The following TUSC3 variants were observed in gnomAD, a reference collection of about 807,000 sequenced individuals.
TUSC3 encodes the protein tumor suppressor candidate 3, also known as dolichyl-diphosphooligosaccharide--protein glycosyltransferase subunit TUSC3.
Under a neutral mutation model 44.8 loss-of-function variants are expected in TUSC3, and 45 were observed. That is an observed-to-expected ratio of 1.00 (90% CI 0.79 to 1.29). TUSC3 has a LOEUF of 1.29. Among genes scored for constraint, TUSC3 ranks in the 50% most tolerant of loss-of-function variants. The pLI is 0.00. For synonymous variants in TUSC3, 212 were observed against 152.9 expected (o/e 1.39, Z -2.85); for missense variants, 519 against 437.9 (o/e 1.19, Z -1.65).
At chr8:15,642,864 C>T (rs994927229) in intron 2 of TUSC3, among the ~76,000 whole-genome samples, 3 of 152,138 alleles carry the variant, frequency 2.0e-5, no homozygotes, top group African/African-American at 7.2e-5. Flanking sequence ...TTACCTCTTC[C>T]AAACATTGAA....
chr8:15,553,651 A>G (rs1284154945), intron 1 of TUSC3, among the ~76,000 whole-genome samples: 3 of 151,880 alleles, frequency 2.0e-5, no homozygotes, highest in African/African-American at 7.2e-5. Context: ...GCAGTGTTAC[A>G]GTGAACACTA....
intron 2 of TUSC3, among the ~76,000 whole-genome samples, chr8:15,629,386 G>A (rs928048191): frequency 7.9e-5 from 12 of 151,950 alleles, no homozygotes; most frequent in African/African-American, 2.9e-4. Context: ...TGGGCAGAGT[G>A]GACCAAAGAG....
intron 1 of TUSC3, among the ~76,000 whole-genome samples, chr8:15,435,246 T>G (rs1323310338): frequency 3.3e-5 from 5 of 152,056 alleles, no homozygotes; most frequent in African/African-American, 1.2e-4. Context: ...TGTGAGATGG[T>G]ATCTCATTGT....
intron 2 of TUSC3, among the ~76,000 whole-genome samples, chr8:15,529,874 T>C (rs966463688): frequency 2.9e-5 from 3 of 102,392 alleles, no homozygotes; most frequent in Admixed American, 2.5e-4. Flanking sequence ...CTCGGCTCAC[T>C]GCAAGCTCCG....
rs566578965 is a variant in TUSC3, at chr8:15,646,138, A to T, written c.309-4559A>T. Among the ~76,000 whole-genome samples the T allele has an allele frequency of 2.0e-5, 3 of 152,266 alleles. No individual in the cohort carries two copies. In the East Asian group the frequency reaches 5.8e-4, roughly 29 times the overall value. ...GTTTCAGACATTTCCATCAGCAAGC[A>T]TTGTAAGTATAGTGATTTGAAGTGA... On this transcript the variant is annotated intron_variant, in intron 2 of 10. Transcript: ENST00000503731.
chr8:15,554,894 C>T (rs1007135354), intron 1 of TUSC3, among the ~76,000 whole-genome samples: 6 of 151,168 alleles, frequency 4.0e-5, no homozygotes, highest in Admixed American at 2.7e-4. Context: ...CGTGAGCCAC[C>T]GCACCCGGCC....
chr8:15,708,270 G>T (rs573142724), intron 6 of TUSC3, among the ~76,000 whole-genome samples: 1 of 152,052 alleles, frequency 6.6e-6, no homozygotes, highest in South Asian at 2.1e-4. Context: ...AATAAATGGA[G>T]TGTGGAGGAA....
chr8:15,703,795 C>T (rs995621359), intron 6 of TUSC3, among the ~76,000 whole-genome samples: 3 of 152,116 alleles, frequency 2.0e-5, no homozygotes, highest in Non-Finnish European at 4.4e-5. Context: ...CCAAACTCCT[C>T]CTCTCAAGCC....
At chr8:15,776,012 A>T in the TUSC3 span, among the ~76,000 whole-genome samples, 3 of 152,036 alleles carry the variant, frequency 2.0e-5, no homozygotes, top group Non-Finnish European at 4.4e-5. Context: ...TTTACTGTAT[A>T]GTTTGACTGT....
At chr8:15,627,586 C>G (rs1378916749) in intron 2 of TUSC3, among the ~76,000 whole-genome samples, 2 of 152,258 alleles carry the variant, frequency 1.3e-5, no homozygotes, top group African/African-American at 4.8e-5. Flanking sequence ...GGAGCCCAGA[C>G]CTGGGAGCTT....
chr8:15,775,633 CAT>C, the TUSC3 span, among the ~76,000 whole-genome samples: 590 of 55,960 alleles, frequency 0.011, 3 homozygotes, highest in African/African-American at 0.03. Context: ...TATACAGACA[CAT>C]ATATATATAT....
At chr8:15,758,531 C>G (rs1011953762) in intron 10 of TUSC3, among the ~76,000 whole-genome samples, 1 of 151,978 alleles carries the variant, frequency 6.6e-6, no homozygotes, top group African/African-American at 2.4e-5. Flanking sequence ...GCTAACACAT[C>G]AAAAGCAGCT....
At chr8:15,620,801 C>G (rs1297652604) in intron 1 of TUSC3, among the ~76,000 whole-genome samples, 1 of 152,122 alleles carries the variant, frequency 6.6e-6, no homozygotes, top group Non-Finnish European at 1.5e-5. Context: ...AGTCTCATTC[C>G]TTTCAGCATC....
chr8:15,805,724 G>T, the TUSC3 span, among the ~76,000 whole-genome samples: 1 of 152,062 alleles, frequency 6.6e-6, no homozygotes, highest in Non-Finnish European at 1.5e-5. Flanking sequence ...GATTCAGTTT[G>T]CTAGGATTTT....
At chr8:15,761,220 C>G (rs1444005489) in intron 10 of TUSC3, among the ~76,000 whole-genome samples, 1 of 152,130 alleles carries the variant, frequency 6.6e-6, no homozygotes, top group Non-Finnish European at 1.5e-5. Context: ...TAATCCTTAG[C>G]AAATCAAAGA....
chr8:15,651,819 G>A (rs1161062212), intron 3 of TUSC3, among the ~76,000 whole-genome samples: 3 of 152,144 alleles, frequency 2.0e-5, no homozygotes, highest in East Asian at 1.9e-4. Context: ...TTAGACTTGC[G>A]ATTGGAACAC....
chr8:15,530,553 T>C (rs754020169), intron 2 of TUSC3, among the ~76,000 whole-genome samples: 1 of 152,174 alleles, frequency 6.6e-6, no homozygotes, highest in Non-Finnish European at 1.5e-5. Flanking sequence ...ACACAGCTAG[T>C]AAGAGACAGA....
chr8:15,493,181 C>G (rs1800832925), intron 2 of TUSC3, among the ~76,000 whole-genome samples: 1 of 152,136 alleles, frequency 6.6e-6, no homozygotes, highest in Admixed American at 6.5e-5. Flanking sequence ...AATGAAAGAA[C>G]CAAAAATTCC....
the TUSC3 span, among the ~76,000 whole-genome samples, chr8:15,849,652 T>A: frequency 2.0e-5 from 3 of 152,080 alleles, no homozygotes; most frequent in African/African-American, 7.2e-5. Flanking sequence ...CACTAGCAAA[T>A]CCTGTAAGAA....
Sources: gnomAD v4.1 joint callset for allele counts (sites outside exome capture counted in the v4.1 genomes callset) on GRCh38, gnomAD v4.1.1 for gene constraint, MANE v1.5 for transcripts, NCBI Gene and HGNC (gene_info 2026-07-23, HGNC 2026-07-21) for gene names.